NINJ2: variants seen among roughly 807,000 people sequenced by gnomAD.
NINJ2 encodes the protein ninjurin 2, also known as ninjurin-2.
Under a neutral mutation model 11.7 loss-of-function variants are expected in NINJ2, and 12 were observed. The ratio of observed to expected loss-of-function variants is 1.02; its 90% CI spans 0.66 to 1.66. The LOEUF (loss-of-function observed/expected upper bound fraction) is 1.66, where lower values mean the gene tolerates loss of function less well. Among genes scored for constraint, NINJ2 ranks in the 40% most tolerant of loss-of-function variants. The probability of loss-of-function intolerance (pLI) is 0.00; values close to 1 mark genes in which losing one functional copy is unlikely to be tolerated. For missense variants in NINJ2, 187 were observed against 181.8 expected (o/e 1.03, Z -0.16); for synonymous variants, 93 against 76.8 (o/e 1.21, Z -1.10).
chr12:644,845 G>A (rs968352187), intron 1 of NINJ2: 1 of 152,064 alleles, frequency 6.6e-6, no homozygotes, highest in East Asian at 1.9e-4. Flanking sequence ...AACGGGGTAG[G>A]GCCTACTAAG....
Position 580,052 on chromosome 12 carries a change from G to A in NINJ2, c.34-13874C>T, listed in dbSNP as rs1947525325. On this transcript the variant is annotated intron_variant, in intron 1 of 3. Transcript: ENST00000305108. The surrounding 1 kb of genome is among the most constrained non-coding windows in gnomAD (Gnocchi z 4.7). The stretch of plus-strand genomic sequence containing the variant: ...GGTTTGGATCCATTCACTCCTCTCT[G>A]GAATGATCTAGATATGCTACCTATA... Among the ~76,000 whole-genome samples the A allele has an allele frequency of 6.6e-6, 1 of 152,154 alleles. No homozygotes were observed. The highest frequency in any genetic ancestry group is 2.4e-5 in the African/African-American group (1 of 41,422).
At chr12:599,734 G>A (rs925923970) in intron 1 of NINJ2, among the ~76,000 whole-genome samples, 1 of 152,154 alleles carries the variant, frequency 6.6e-6, no homozygotes, top group Non-Finnish European at 1.5e-5. Flanking sequence ...AAGTGCGGAG[G>A]CCCTCCCAGC....
chr12:659,548 G>T (rs937325347), intron 1 of NINJ2, among the ~76,000 whole-genome samples: 1 of 152,186 alleles, frequency 6.6e-6, no homozygotes, highest in Admixed American at 6.5e-5. Flanking sequence ...CAGGGAGAAG[G>T]GCAGAGGCTT....
chr12:643,432 G>A (rs1937625208), intron 1 of NINJ2: 6 of 988,104 alleles, frequency 6.1e-6, no homozygotes, highest in Non-Finnish European at 7.2e-6. Context: ...GCTCCGCCGC[G>A]ACGCGGCTCA....
chr12:602,685 T>C (rs1316579215), intron 1 of NINJ2, among the ~76,000 whole-genome samples: 1 of 152,250 alleles, frequency 6.6e-6, no homozygotes, highest in Non-Finnish European at 1.5e-5. Flanking sequence ...GCCAGACTGC[T>C]TTCCAAAGTG....
At chr12:620,352 C>T (rs939500194) in intron 1 of NINJ2, among the ~76,000 whole-genome samples, 1 of 147,668 alleles carries the variant, frequency 6.8e-6, no homozygotes, top group East Asian at 2.0e-4. Flanking sequence ...CCCCGCTTTG[C>T]GGGAAGGGGA....
intron 1 of NINJ2, among the ~76,000 whole-genome samples, chr12:576,052 T>G (rs544464537): frequency 6.6e-6 from 1 of 152,268 alleles, no homozygotes; most frequent in South Asian, 2.1e-4. Context: ...GATCTCGCCC[T>G]TAAAAATCAA....
intron 1 of NINJ2, among the ~76,000 whole-genome samples, chr12:654,199 A>G (rs139012254): frequency 1.1e-4 from 16 of 152,208 alleles, no homozygotes; most frequent in African/African-American, 3.6e-4. Context: ...AAGACCTTGT[A>G]TCAAACAAAA....
intron 1 of NINJ2, among the ~76,000 whole-genome samples, chr12:639,730 G>A (rs1172818874): frequency 2.0e-5 from 3 of 152,154 alleles, no homozygotes; most frequent in African/African-American, 7.2e-5. Flanking sequence ...GATCTCCCCA[G>A]CAAGTGCCTC....
intron 1 of NINJ2, among the ~76,000 whole-genome samples, chr12:576,154 G>A (rs954996514): frequency 6.6e-6 from 1 of 152,210 alleles, no homozygotes; most frequent in Non-Finnish European, 1.5e-5. Flanking sequence ...TGAGCCCTGG[G>A]CACAGTCTCA....
chr12:663,212 G>A lies in NINJ2; in HGVS notation c.33+116C>T, dbSNP rs73598170. On this transcript the variant is annotated intron_variant, in intron 1 of 3. Transcript: ENST00000305108. Reference sequence around the variant, plus strand: ...CTAGGGAGCATTTGGAGAAGGGAGTGAGTAAGAAGAGAACGGGGAGGGAGA... The same window carrying A: ...CTAGGGAGCATTTGGAGAAGGGAGTAAGTAAGAAGAGAACGGGGAGGGAGA... 2,964 of 889,308 alleles carry A rather than the reference G, an allele frequency of 3.3e-3. 69 individuals carry two copies. The African/African-American group carries it at 0.044, about 13-fold the overall frequency. The allele number at this position is 889,308 out of a possible 1,614,324, so 55.1% of individuals were successfully genotyped here. A position where few individuals can be genotyped will look rare whatever the true frequency, so the allele number is the denominator to read the frequency against.
chr12:587,931 G>A (rs771063871), intron 1 of NINJ2, among the ~76,000 whole-genome samples: 7 of 152,296 alleles, frequency 4.6e-5, no homozygotes, highest in East Asian at 1.9e-4. Context: ...GGTAGGAGCC[G>A]TAGTATGAGG....
At chr12:613,099 T>G (rs944113764) in intron 1 of NINJ2, among the ~76,000 whole-genome samples, 1 of 152,138 alleles carries the variant, frequency 6.6e-6, no homozygotes, top group Non-Finnish European at 1.5e-5. Flanking sequence ...AGCCCAGCAC[T>G]CCCAGGTTCA....
intron 1 of NINJ2, among the ~76,000 whole-genome samples, chr12:659,825 G>GCA (rs535923840): frequency 3.8e-4 from 58 of 152,294 alleles, no homozygotes; most frequent in African/African-American, 1.3e-3. Context: ...GTAGGTGCGG[G>GCA]CACACACACC....
Position 629,896 on chromosome 12 carries a change from A to AAAAT in NINJ2, c.33+33431_33+33432insATTT. Among the ~76,000 whole-genome samples the AAAAT allele has an allele frequency of 9.1e-4, 9 of 9,902 alleles. 1 individual carries two copies. The highest frequency in any genetic ancestry group is 1.2e-3 in the African/African-American group (8 of 6,890). The allele number at this position is 9,902 out of a possible 152,430, so 6.5% of individuals were successfully genotyped here. A position where few individuals can be genotyped will look rare whatever the true frequency, so the allele number is the denominator to read the frequency against. On this transcript the variant is annotated intron_variant, in intron 1 of 3. Coordinates refer to ENST00000305108, the MANE Select transcript of NINJ2 (RefSeq NM_016533.6). ...GAGCAAAACTCAAAAAAAAAAAAAA[A>AAAAT]ATATATATATATATATATATATATA...
In NINJ2 at chr12:640,535, T is replaced by G. The variant is rs1592113465; in HGVS notation, c.33+22793A>C. Among the ~76,000 whole-genome samples the G allele has an allele frequency of 6.6e-6, 1 of 152,228 alleles. No homozygotes were observed. Among genetic ancestry groups the G allele is most frequent in the Non-Finnish European group, 1.5e-5 (1 of 68,044 alleles). On this transcript the variant is annotated intron_variant, in intron 1 of 3. Transcript: ENST00000305108. This position sits in a 1 kb window ranked among gnomAD's most constrained non-coding sequence, Gnocchi z 4.0. ...GGTCCTGTTTTTATTTTATTTTGTT[T>G]TATTTTTGAGACTGAGTCTTGCCCT...
At chr12:649,531 G>GTGTATATATATA (rs139452771) in intron 1 of NINJ2, among the ~76,000 whole-genome samples, 105 of 127,680 alleles carry the variant, frequency 8.2e-4, no homozygotes, top group Middle Eastern at 4.3e-3. Flanking sequence ...GTGTATATGT[G>GTGTATATATATA]TATATATATA....
chr12:609,094 A>ACG lies in NINJ2; in HGVS notation c.34-42918_34-42917dup, dbSNP rs1480557351. Among the ~76,000 whole-genome samples, 180 of 104,480 alleles carry ACG rather than the reference A, an allele frequency of 1.7e-3. 4 individuals are homozygous for ACG. The highest frequency in any genetic ancestry group is 7.3e-3 in the African/African-American group (169 of 23,176). 68.5% of individuals were successfully genotyped at this position (104,480 alleles called of 152,430 possible). ...CGCACGGCGCCACGCTAGGGGCTGAACGCACGCACGGCGCCACGCGCTAGG... is the reference window on the plus strand; with the variant it reads ...CGCACGGCGCCACGCTAGGGGCTGAACGCGCACGCACGGCGCCACGCGCTAGG... On this transcript the variant is annotated intron_variant, in intron 1 of 3. Transcript: ENST00000305108.
intron 1 of NINJ2, among the ~76,000 whole-genome samples, chr12:629,334 T>C (rs1948242777): frequency 1.3e-5 from 2 of 152,306 alleles, no homozygotes; most frequent in Admixed American, 6.5e-5. Context: ...ACTAGGAGCC[T>C]GGGATTTGCA....
Sources: gnomAD v4.1 joint callset for allele counts (sites outside exome capture counted in the v4.1 genomes callset) on GRCh38, gnomAD v4.1.1 for gene constraint, Gnocchi (gnomAD v3.1) non-coding constraint, MANE v1.5 for transcripts, NCBI Gene and HGNC (gene_info 2026-07-23, HGNC 2026-07-21) for gene names.